Variants in BRCA1 observed in about 807,000 individuals in gnomAD.
BRCA1 encodes BRCA1 DNA repair associated, also known as breast cancer type 1 susceptibility protein.
BRCA1 carries 140 observed loss-of-function variants against 173.7 expected under a neutral mutation model. The ratio of observed to expected loss-of-function variants is 0.81; its 90% CI spans 0.70 to 0.93. BRCA1 has a LOEUF of 0.93. Among genes scored for constraint, BRCA1 ranks in the 40% least tolerant of loss-of-function variants. The pLI is 0.00. For missense variants in BRCA1, 1,983 were observed against 2,172.5 expected (o/e 0.91, Z 1.73); for synonymous variants, 662 against 756.0 (o/e 0.88, Z 2.04).
rs1597864637 is a variant in BRCA1 at position 43,092,250 on chromosome 17, T to C, written c.3281A>G (p.Tyr1094Cys). ...LRLGVLQPEV[Y>C]KQSLPGSNCK... Reference sequence around the variant, plus strand: ...ATTACTTCCAGGAAGACTTTGTTTATAGACCTCAGGTTGCAAAACCCCTAA... The same window carrying C: ...ATTACTTCCAGGAAGACTTTGTTTACAGACCTCAGGTTGCAAAACCCCTAA... Residue 1094 changes from tyrosine (Y) to cysteine (C), a missense_variant, in exon 10 of 23, where the codon TAT becomes TGT. By Grantham distance (194) the Tyr-to-Cys change is radical. Coordinates refer to ENST00000357654, the MANE Select transcript of BRCA1 (RefSeq NM_007294.4). The C allele has an allele frequency of 6.2e-7, 1 of 1,613,780 alleles. No homozygotes were observed. Among genetic ancestry groups the C allele is most frequent in the Non-Finnish European group, 8.5e-7 (1 of 1,179,986 alleles).
In BRCA1 at chr17:43,093,111, G is replaced by A. The variant is rs273899683; in HGVS notation, c.2420C>T (p.Ala807Val). Reference sequence around the variant, plus strand: ...AATTAGTCCCTTGGGGTTTTCAAATGCTGCACACTGACTCACACATTTATT... The same window carrying A: ...AATTAGTCCCTTGGGGTTTTCAAATACTGCACACTGACTCACACATTTATT... ...EPNKCVSQCA[A>V]FENPKGLIHG... Residue 807 changes from alanine to valine, a missense_variant, in exon 10 of 23, where the codon GCA (alanine) becomes GTA (valine). By Grantham distance (64) the Ala-to-Val change is moderately conservative. Transcript: ENST00000357654. 1 of 1,613,536 alleles carries A rather than the reference G, an allele frequency of 6.2e-7. No individual in the cohort carries two copies. Among genetic ancestry groups the A allele is most frequent in the Non-Finnish European group, 8.5e-7 (1 of 1,179,928 alleles).
chr17:43,102,858 T>C (rs144905732), intron 6 of BRCA1, among the ~76,000 whole-genome samples: 1 of 152,170 alleles, frequency 6.6e-6, no homozygotes, highest in East Asian at 1.9e-4. Context: ...ACTTGCTATG[T>C]TGCCCAAACT....
At chr17:43,081,729 T>C (rs2053009057) in intron 12 of BRCA1, among the ~76,000 whole-genome samples, 1 of 152,242 alleles carries the variant, frequency 6.6e-6, no homozygotes, top group South Asian at 2.1e-4. Context: ...TATGCCATTA[T>C]TCCTCAGCTC....
At chr17:43,058,380 A>C (rs900163547) in intron 18 of BRCA1, among the ~76,000 whole-genome samples, 1 of 149,182 alleles carries the variant, frequency 6.7e-6, no homozygotes, top group Non-Finnish European at 1.5e-5. Context: ...CTAAAAAAAA[A>C]CACACACACA....
At chr17:43,142,891 G>A (rs1339137004) in intron 1 of BRCA1, among the ~76,000 whole-genome samples, 1 of 151,380 alleles carries the variant, frequency 6.6e-6, no homozygotes, top group Non-Finnish European at 1.5e-5. Flanking sequence ...TTACAGGCAT[G>A]TGCCACCATG....
rs1301247014 is a variant in BRCA1, at chr17:43,045,869, C to T, written c.5468-67G>A. 32 of 1,603,884 alleles carry T rather than the reference C, an allele frequency of 2.0e-5. No individual in the cohort carries two copies. In the East Asian group the frequency reaches 3.6e-4, roughly 18 times the overall value. On this transcript the variant is annotated intron_variant, in intron 22 of 22. Transcript: ENST00000357654. ...TCTCCTGGACTAGGCTCTAATCAAT[C>T]GACTCCAGGGTCCTGGTTGTATGAG... is the stretch of plus-strand genomic sequence containing the variant.
chr17:43,084,945 G>A (rs924541260), intron 11 of BRCA1, among the ~76,000 whole-genome samples: 3 of 152,138 alleles, frequency 2.0e-5, no homozygotes, highest in African/African-American at 7.2e-5. Context: ...AAGTAGTGGG[G>A]TAATTATTAA....
At position 43,071,215 on chromosome 17, in the gene BRCA1, C is replaced by T. The variant is rs568753972; in HGVS notation, c.4699G>A (p.Gly1567Arg). The T allele has an allele frequency of 5.0e-6, 8 of 1,614,164 alleles. No individual in the cohort carries two copies. The South Asian group carries it at 6.6e-5, about 13-fold the overall frequency. ...DLEGTPYLES[G>R]ISLFSDDPES... ...GGGTCATCAGAGAAGAGGCTGATTC[C>T]AGATTCCAGGTAAGGGGTTCCCTCT... Residue 1567 changes from glycine to arginine, a missense_variant, in exon 15 of 23, where the codon GGA becomes AGA. Transcript: ENST00000357654.
At chr17:43,134,755 G>A (rs2056001482) in intron 1 of BRCA1, among the ~76,000 whole-genome samples, 1 of 152,196 alleles carries the variant, frequency 6.6e-6, no homozygotes, top group African/African-American at 2.4e-5. Context: ...CTCCTGGAGA[G>A]AGAATTACTG....
intron 1 of BRCA1, among the ~76,000 whole-genome samples, chr17:43,168,858 A>G (rs1197647204): frequency 3.3e-5 from 5 of 152,122 alleles, no homozygotes; most frequent in Admixed American, 6.5e-5. Context: ...GCTTTCTCCA[A>G]TGCTTCTGGC....
chr17:43,096,376 CAAAAAAAAAA>C (rs71160005), intron 8 of BRCA1, among the ~76,000 whole-genome samples: 1 of 74,208 alleles, frequency 1.3e-5, no homozygotes, highest in Admixed American at 1.7e-4. Flanking sequence ...GACTCTGTCT[CAAAAAAAAAA>C]AAAAAAAAGA....
Position 43,106,544 on chromosome 17 carries a change from T to C in BRCA1, c.135-11A>G, listed in dbSNP as rs769549104. 2.6e-6 allele frequency: 4 copies of C among 1,560,988 alleles called. No individual in the cohort carries two copies. Among genetic ancestry groups the C allele is most frequent in the Non-Finnish European group, 3.5e-6 (4 of 1,134,082 alleles). On this transcript the variant is annotated splice_polypyrimidine_tract_variant and intron_variant, in intron 3 of 22. Transcript: ENST00000357654. ...TTCAGCATGCAAAATCTATAAATTATAAAGAAAGAAAGAACAATTTAATTT... is the reference window on the plus strand; with the variant it reads ...TTCAGCATGCAAAATCTATAAATTACAAAGAAAGAAAGAACAATTTAATTT...
At chr17:43,054,900 C>T (rs1406854543) in intron 19 of BRCA1, among the ~76,000 whole-genome samples, 1 of 151,992 alleles carries the variant, frequency 6.6e-6, no homozygotes, top group Non-Finnish European at 1.5e-5. Context: ...CAGGTGCCTA[C>T]CACCACGCCC....
intron 19 of BRCA1, among the ~76,000 whole-genome samples, chr17:43,051,706 G>A (rs1469087839): frequency 6.6e-6 from 1 of 151,448 alleles, no homozygotes; most frequent in African/African-American, 2.4e-5. Context: ...GTGCGATCTG[G>A]GCTCACTGCA....
Position 43,045,514 on chromosome 17 carries a change from C to A in BRCA1, c.*164G>T, listed in dbSNP as rs2152431648. On this transcript the variant is annotated 3_prime_UTR_variant, in exon 23 of 23. Transcript: ENST00000357654. Reference sequence around the variant, plus strand: ...CTTCAAGCAGAAAATCTTTAAGGGACCCTTGCATAGCCAGAAGTCCTTTTC... The same window carrying A: ...CTTCAAGCAGAAAATCTTTAAGGGAACCTTGCATAGCCAGAAGTCCTTTTC... The A allele has an allele frequency of 9.1e-7, 1 of 1,101,236 alleles. No homozygotes were observed. Among genetic ancestry groups the A allele is most frequent in the South Asian group, 1.3e-5 (1 of 74,318 alleles). The allele number at this position is 1,101,236 out of a possible 1,614,324, so 68.2% of individuals were successfully genotyped here. A position where few individuals can be genotyped will look rare whatever the true frequency, so the allele number is the denominator to read the frequency against.
rs2154278152 is a variant in BRCA1, at chr17:43,091,632, C to G, written c.3899G>C (p.Cys1300Ser). 6.2e-7 allele frequency: 1 copy of G among 1,614,216 alleles called. No homozygotes were observed. The highest frequency in any genetic ancestry group is 8.5e-7 in the Non-Finnish European group (1 of 1,180,044). Reference sequence around the variant, plus strand: ...TGCAGTCAAGTCTTCCAATTCACTGCACTGTGAAGAAAACAAGCTAGCAGA... The same window carrying G: ...TGCAGTCAAGTCTTCCAATTCACTGGACTGTGAAGAAAACAAGCTAGCAGA... The part of the protein sequence containing the change: ...KCSASLFSSQ[C>S]SELEDLTANT... Residue 1300 changes from cysteine to serine, a missense_variant, in exon 10 of 23, where the codon TGC (cysteine) becomes TCC (serine). By Grantham distance (112) the Cys-to-Ser change is moderately radical. Transcript: ENST00000357654.
intron 1 of BRCA1, chr17:43,167,399 C>G: frequency 6.6e-6 from 1 of 152,076 alleles, no homozygotes; most frequent in East Asian, 1.9e-4. Context: ...AGGGGGTGCA[C>G]GTGAGAGGGT....
In BRCA1 at chr17:43,094,854, C is replaced by G. The variant is rs1376262238; in HGVS notation, c.677G>C (p.Cys226Ser). 1 of 1,610,434 alleles carries G rather than the reference C, an allele frequency of 6.2e-7. No homozygotes were observed. Among genetic ancestry groups the G allele is most frequent in the South Asian group, 1.1e-5 (1 of 90,658 alleles). The change falls in exon 10 of 23, where the codon TGT (cysteine) becomes TCT (serine). Residue 226 changes from cysteine to serine, a missense_variant. Physicochemically the swap from Cys to Ser is moderately radical, Grantham distance 112 (BLOSUM62 -1). Transcript: ENST00000357654. Reference sequence around the variant, plus strand: ...TGTTACATCCGTCTCAGAAAATTCACAAGCAGCTGAAAATATACAAAAATA... The same window carrying G: ...TGTTACATCCGTCTCAGAAAATTCAGAAGCAGCTGAAAATATACAAAAATA... ...ISLDSAKKAACEFSETDVTNT... is the reference protein window; with the variant it reads ...ISLDSAKKAASEFSETDVTNT...
At chr17:43,052,951 A>T (rs1317622265) in intron 19 of BRCA1, among the ~76,000 whole-genome samples, 1 of 147,282 alleles carries the variant, frequency 6.8e-6, no homozygotes, top group Non-Finnish European at 1.5e-5. Flanking sequence ...ATCTCGGCTC[A>T]CTGCAACCTC....
Sources: gnomAD v4.1 joint callset for allele counts (sites outside exome capture counted in the v4.1 genomes callset) on GRCh38, gnomAD v4.1.1 for gene constraint, MANE v1.5 for transcripts, NCBI Gene and HGNC (gene_info 2026-07-23, HGNC 2026-07-21) for gene names.